The following DDR2 variants were observed in gnomAD, a reference collection of about 807,000 sequenced individuals.
The protein encoded by DDR2 is discoidin domain receptor tyrosine kinase 2.
DDR2 carries 27 observed loss-of-function variants against 94.9 expected under a neutral mutation model. That is an observed-to-expected ratio of 0.28 (90% CI 0.21 to 0.39). DDR2 has a LOEUF of 0.39. Among genes scored for constraint, DDR2 ranks in the 10% least tolerant of loss-of-function variants. The probability of loss-of-function intolerance (pLI) is 1.00; values close to 1 mark genes in which losing one functional copy is unlikely to be tolerated. For missense variants in DDR2, 783 were observed against 1,076.0 expected (o/e 0.73, Z 3.81); for synonymous variants, 382 against 377.2 (o/e 1.01, Z -0.15).
intron 2 of DDR2, among the ~76,000 whole-genome samples, chr1:162,669,096 A>G (rs1386924216): frequency 6.6e-6 from 1 of 152,256 alleles, no homozygotes; most frequent in African/African-American, 2.4e-5. Context: ...ATGGTGACAA[A>G]TACATGCAGG....
chr1:162,758,505 C>T (rs767963504), intron 7 of DDR2, among the ~76,000 whole-genome samples: 14 of 151,984 alleles, frequency 9.2e-5, no homozygotes, highest in Non-Finnish European at 1.6e-4. Context: ...ATAAAACTTT[C>T]CTGGGATTTA....
At chr1:162,674,894 C>T (rs533729755) in intron 2 of DDR2, among the ~76,000 whole-genome samples, 36 of 152,254 alleles carry the variant, frequency 2.4e-4, no homozygotes, top group Non-Finnish European at 4.3e-4. Context: ...TGGCTCATGC[C>T]TGTAATCCCA....
At chr1:162,659,321 G>T (rs1194311136) in intron 2 of DDR2, among the ~76,000 whole-genome samples, 1 of 152,178 alleles carries the variant, frequency 6.6e-6, no homozygotes. Context: ...GGAGGGTGTG[G>T]AGCTTGACCT....
chr1:162,767,383 G>T, intron 11 of DDR2, 24 bp downstream of exon 11: 1 of 1,613,052 alleles, frequency 6.2e-7, no homozygotes, highest in Non-Finnish European at 8.5e-7. Context: ...GAATGGTCAT[G>T]ATATAAGAAA....
intron 2 of DDR2, among the ~76,000 whole-genome samples, chr1:162,674,253 T>C (rs1409426885): frequency 1.3e-5 from 2 of 152,140 alleles, no homozygotes; most frequent in African/African-American, 2.4e-5. Flanking sequence ...GCAAGGCTTG[T>C]TTCACCCTCC....
rs1647906528 is a variant in DDR2 at position 162,781,526 on chromosome 1, C to T, written c.*1280C>T. ...TGCAAGGAAAATGGAGGTTTTCAAA[C>T]ACAAAGTGGATGGTGGTATGAGACA... On this transcript the variant is annotated 3_prime_UTR_variant, in exon 18 of 18. Transcript: ENST00000367921. The T allele has an allele frequency of 6.6e-6, 1 of 152,246 alleles. No individual in the cohort carries two copies. Among genetic ancestry groups the T allele is most frequent in the Non-Finnish European group, 1.5e-5 (1 of 68,074 alleles). 9.4% of individuals were successfully genotyped at this position (152,246 alleles called of 1,614,324 possible).
Position 162,703,878 on chromosome 1 carries a change from C to T in DDR2, c.-27-15159C>T, listed in dbSNP as rs556763616. ...CCCAAAATGAGTTTGATACTTTGTG[C>T]GCATGCCGGGATCCCCATGGGATTG... is the stretch of plus-strand genomic sequence containing the variant. On this transcript the variant is annotated intron_variant, in intron 2 of 17. Transcript: ENST00000367921. 5.3e-5 allele frequency among the ~76,000 whole-genome samples: 8 copies of T among 152,264 alleles called. No individual in the cohort carries two copies. In the East Asian group the frequency reaches 1.4e-3, roughly 26 times the overall value.
chr1:162,640,701 ATAT>A (rs528011846), intron 1 of DDR2, among the ~76,000 whole-genome samples: 32 of 152,308 alleles, frequency 2.1e-4, no homozygotes, highest in African/African-American at 7.7e-4. Flanking sequence ...AACTTAAATG[ATAT>A]TATTTTATTT....
chr1:162,748,012 G>A (rs1662969728), intron 3 of DDR2, among the ~76,000 whole-genome samples: 1 of 152,164 alleles, frequency 6.6e-6, no homozygotes, highest in Admixed American at 6.5e-5. Context: ...GCTAAACATG[G>A]AAAGGAAAAA....
At position 162,775,852 on chromosome 1, in the gene DDR2, G is replaced by T; in HGVS notation, c.2048+9G>T. 1 of 1,613,800 alleles carries T rather than the reference G, an allele frequency of 6.2e-7. No homozygotes were observed. ...GATGTACGCACTGTCAGGTAAACAA[G>T]CCAGGTCTTCCTTCTCCTCCCTGTG... is the stretch of plus-strand genomic sequence containing the variant. On this transcript the variant is annotated intron_variant, in intron 15 of 17. Coordinates refer to ENST00000367921, the MANE Select transcript of DDR2 (RefSeq NM_006182.4).
At chr1:162,649,656 GA>G (rs1657591176) in intron 1 of DDR2, among the ~76,000 whole-genome samples, 1 of 152,244 alleles carries the variant, frequency 6.6e-6, no homozygotes, top group East Asian at 1.9e-4. Context: ...ACAGTGACAA[GA>G]AGATGAATAA....
At position 162,719,157 on chromosome 1, in the gene DDR2, A is replaced by G; in HGVS notation, c.82+12A>G. ...TCAGGTTAATCCAGGTAACATGGCT[A>G]TTACTCAGCTATATGCTAGAAGACC... is the stretch of plus-strand genomic sequence containing the variant. On this transcript the variant is annotated intron_variant, in intron 3 of 17. Coordinates refer to ENST00000367921, the MANE Select transcript of DDR2 (RefSeq NM_006182.4). The G allele has an allele frequency of 6.2e-7, 1 of 1,613,696 alleles. No homozygotes were observed.
chr1:162,662,649 C>T (rs1325707770), intron 2 of DDR2, among the ~76,000 whole-genome samples: 1 of 152,016 alleles, frequency 6.6e-6, no homozygotes, highest in African/African-American at 2.4e-5. Flanking sequence ...CTTAATTTCC[C>T]TAAAGCATGT....
At chr1:162,718,383 C>A (rs1661265017) in intron 2 of DDR2, among the ~76,000 whole-genome samples, 1 of 152,152 alleles carries the variant, frequency 6.6e-6, no homozygotes, top group Non-Finnish European at 1.5e-5. Context: ...TGCCTCTAGG[C>A]CTTTTCAGCG....
chr1:162,631,597 C>T (rs977758116), upstream of DDR2: 2 of 152,168 alleles, frequency 1.3e-5, no homozygotes, highest in African/African-American at 4.8e-5. Context: ...AGGAATGATC[C>T]AGGCTCTGAA....
chr1:162,689,933 T>C (rs1659892504), intron 2 of DDR2, among the ~76,000 whole-genome samples: 1 of 149,992 alleles, frequency 6.7e-6, no homozygotes, highest in African/African-American at 2.5e-5. Context: ...GGAGGATCCC[T>C]TGAACCTGGG....
rs886502778 is a variant in DDR2, at chr1:162,741,718, T to C, written c.83-11377T>C. On this transcript the variant is annotated intron_variant, in intron 3 of 17. Transcript: ENST00000367921. Reference sequence around the variant, plus strand: ...ACAGGTGACAGTCACAAAGGGTAAGTGAAGTTCTACATTATTAGTAGCTGG... The same window carrying C: ...ACAGGTGACAGTCACAAAGGGTAAGCGAAGTTCTACATTATTAGTAGCTGG... 9.1e-6 allele frequency: 9 copies of C among 985,254 alleles called. No homozygotes were observed. In the African/African-American group the frequency reaches 1.6e-4, roughly 17 times the overall value. 61.0% of individuals were successfully genotyped at this position (985,254 alleles called of 1,614,324 possible).
At chr1:162,770,064 A>C (rs952327985) in intron 11 of DDR2, among the ~76,000 whole-genome samples, 1 of 152,180 alleles carries the variant, frequency 6.6e-6, no homozygotes, top group African/African-American at 2.4e-5. Flanking sequence ...TGTTTCAGAA[A>C]GCACATCATA....
At chr1:162,650,377 C>T (rs1022820564) in intron 1 of DDR2, among the ~76,000 whole-genome samples, 8 of 152,118 alleles carry the variant, frequency 5.3e-5, no homozygotes, top group Non-Finnish European at 1.0e-4. Flanking sequence ...AGGCAGATCA[C>T]TTGAGGTCAG....
Sources: gnomAD v4.1 joint callset for allele counts (sites outside exome capture counted in the v4.1 genomes callset) on GRCh38, gnomAD v4.1.1 for gene constraint, MANE v1.5 for transcripts, NCBI Gene and HGNC (gene_info 2026-07-23, HGNC 2026-07-21) for gene names.